AGBL4: variants seen among roughly 807,000 people sequenced by gnomAD.
AGBL4 encodes the protein cytosolic carboxypeptidase 6.
AGBL4 carries 58 observed loss-of-function variants against 66.4 expected under a neutral mutation model. The ratio of observed to expected loss-of-function variants is 0.87; its 90% confidence interval spans 0.71 to 1.09. The LOEUF (loss-of-function observed/expected upper bound fraction) is 1.09. Ranked by LOEUF, AGBL4 falls within the 50% of genes least tolerant of loss-of-function variation. The probability of loss-of-function intolerance (pLI) is 0.00; values close to 1 mark genes in which losing one functional copy is unlikely to be tolerated. For missense variants in AGBL4, 579 were observed against 631.0 expected (o/e 0.92, Z 0.88); for synonymous variants, 234 against 222.9 (o/e 1.05, Z -0.44).
chr1:49,429,463 CTATAA>C (rs1482023387), intron 3 of AGBL4, among the ~76,000 whole-genome samples: 1 of 152,096 alleles, frequency 6.6e-6, no homozygotes, highest in Non-Finnish European at 1.5e-5. Context: ...ATTTTCTATG[CTATAA>C]TATAAATCTA....
At chr1:48,997,749 A>G (rs1661121170) in intron 5 of AGBL4, among the ~76,000 whole-genome samples, 1 of 152,214 alleles carries the variant, frequency 6.6e-6, no homozygotes, top group African/African-American at 2.4e-5. Flanking sequence ...TCATAGGAAT[A>G]TTATAAAAAA....
chr1:49,187,449 A>C (rs1363403928), intron 4 of AGBL4: 1 of 152,330 alleles, frequency 6.6e-6, no homozygotes, highest in Middle Eastern at 3.4e-3. Context: ...ATGAATATAC[A>C]TATGCGGAGA....
intron 5 of AGBL4, chr1:49,025,802 A>G (rs1284970592): frequency 1.3e-5 from 2 of 152,298 alleles, no homozygotes; most frequent in South Asian, 2.1e-4. Context: ...TGAAAAAATA[A>G]TAAGTGGGCT....
chr1:48,532,342 G>C (rs1357282984), downstream of AGBL4, among the ~76,000 whole-genome samples: 1 of 152,166 alleles, frequency 6.6e-6, no homozygotes, highest in Non-Finnish European at 1.5e-5. Context: ...ACTTGCCTAA[G>C]ATCACACAGT....
At position 49,441,635 on chromosome 1, in the gene AGBL4, A is replaced by C. The variant is rs987726631; in HGVS notation, c.283-195771T>G. On this transcript the variant is annotated intron_variant, in intron 3 of 13. Transcript: ENST00000371839. ...GAGGGCAGCACCTGCATCTTTGAAG[A>C]GCCCTATAATTTCTCTTCTCTGTAT... Among the ~76,000 whole-genome samples the C allele has an allele frequency of 8.5e-5, 13 of 152,288 alleles. No individual in the cohort carries two copies. The Middle Eastern group carries it at 0.01, about 120-fold the overall frequency.
At chr1:49,923,908 G>C (rs1033279904) in intron 1 of AGBL4, among the ~76,000 whole-genome samples, 1 of 152,190 alleles carries the variant, frequency 6.6e-6, no homozygotes, top group Non-Finnish European at 1.5e-5. Context: ...AGACAGTGTG[G>C]TGATTCCTCG....
At chr1:49,009,370 A>G (rs1236284335) in intron 5 of AGBL4, among the ~76,000 whole-genome samples, 1 of 151,428 alleles carries the variant, frequency 6.6e-6, no homozygotes, top group African/African-American at 2.4e-5. Flanking sequence ...AGGAGCTGAA[A>G]TTGTGGCAAT....
In AGBL4 at chr1:49,712,819, G is replaced by A. The variant is rs573685321; in HGVS notation, c.158-15382C>T. 4.6e-4 allele frequency among the ~76,000 whole-genome samples: 70 copies of A among 151,908 alleles called. 1 individual carries two copies. Among genetic ancestry groups the A allele is most frequent in the African/African-American group, 1.5e-3 (63 of 41,506 alleles). On this transcript the variant is annotated intron_variant, in intron 2 of 13. Coordinates refer to ENST00000371839, the MANE Select transcript of AGBL4 (RefSeq NM_032785.4). ...CTGGGTTATCTTGAGTATGTTTCTT[G>A]TTTCTTACTTTCTTTGTGCTTTAGT...
At chr1:48,789,510 T>C (rs564466624) in intron 6 of AGBL4, among the ~76,000 whole-genome samples, 42 of 152,132 alleles carry the variant, frequency 2.8e-4, no homozygotes, top group South Asian at 6.2e-4. Context: ...AGGATGGTCT[T>C]GATCTCCTGA....
intron 6 of AGBL4, among the ~76,000 whole-genome samples, chr1:48,800,421 C>A (rs1444740042): frequency 6.6e-6 from 1 of 152,088 alleles, no homozygotes; most frequent in Non-Finnish European, 1.5e-5. Context: ...AATGGTCTAT[C>A]GATTTTGTTT....
chr1:49,517,698 A>G (rs1430961272), intron 3 of AGBL4, among the ~76,000 whole-genome samples: 1 of 152,004 alleles, frequency 6.6e-6, no homozygotes, highest in Non-Finnish European at 1.5e-5. Flanking sequence ...CATAGAGTTT[A>G]TCTTTAAGTA....
chr1:49,527,500 C>G (rs934782698), intron 3 of AGBL4: 2 of 152,614 alleles, frequency 1.3e-5, no homozygotes, highest in Admixed American at 6.5e-5. Context: ...CTCAATGTAC[C>G]ATTTACCTGC....
At chr1:49,841,042 A>C (rs1006187224) in intron 2 of AGBL4, among the ~76,000 whole-genome samples, 1 of 152,238 alleles carries the variant, frequency 6.6e-6, no homozygotes, top group Non-Finnish European at 1.5e-5. Flanking sequence ...GCATCCAAAC[A>C]GGAACAGAAG....
At chr1:49,948,572 T>TAG (rs1363192215) in intron 1 of AGBL4, among the ~76,000 whole-genome samples, 30 of 116,820 alleles carry the variant, frequency 2.6e-4, no homozygotes, top group East Asian at 2.5e-3. Context: ...AAAATATATA[T>TAG]ATATATATAT....
At chr1:49,073,470 T>C (rs1644650346) in intron 4 of AGBL4, among the ~76,000 whole-genome samples, 1 of 152,212 alleles carries the variant, frequency 6.6e-6, no homozygotes, top group Non-Finnish European at 1.5e-5. Context: ...ATGCTATTCC[T>C]TCCTCTTTGT....
At chr1:49,950,077 CAT>C (rs1218168089) in intron 1 of AGBL4, among the ~76,000 whole-genome samples, 17 of 137,156 alleles carry the variant, frequency 1.2e-4, no homozygotes, top group East Asian at 4.3e-4. Context: ...TATATATACA[CAT>C]ATGTGTATAT....
At chr1:49,185,837 C>T (rs1299550372) in intron 4 of AGBL4, among the ~76,000 whole-genome samples, 1 of 152,142 alleles carries the variant, frequency 6.6e-6, no homozygotes, top group African/African-American at 2.4e-5. Context: ...AAGGATCCCT[C>T]CTTCAGTAGT....
chr1:49,207,702 C>T (rs1261436485), intron 4 of AGBL4, among the ~76,000 whole-genome samples: 1 of 151,562 alleles, frequency 6.6e-6, no homozygotes, highest in East Asian at 1.9e-4. Context: ...AGTGATCCTC[C>T]CACCTCAGCC....
intron 6 of AGBL4, among the ~76,000 whole-genome samples, chr1:48,818,776 G>A (rs573477699): frequency 1.3e-5 from 2 of 152,008 alleles, no homozygotes; most frequent in East Asian, 3.9e-4. Flanking sequence ...GCAAAAAACA[G>A]CCTGGAAAGA....
Sources: gnomAD v4.1 joint callset for allele counts (sites outside exome capture counted in the v4.1 genomes callset) on GRCh38, gnomAD v4.1.1 for gene constraint, MANE v1.5 for transcripts, NCBI Gene and HGNC (gene_info 2026-07-23, HGNC 2026-07-21) for gene names.